Variants in HNF1B observed in about 807,000 individuals in gnomAD.
HNF1B encodes the protein hepatocyte nuclear factor 1-beta.
Under a neutral mutation model 61.7 loss-of-function variants are expected in HNF1B, and 8 were observed. The observed-to-expected ratio is 0.13, with a 90% CI of 0.08 to 0.23. The LOEUF (loss-of-function observed/expected upper bound fraction) is 0.23, where lower values mean the gene tolerates loss of function less well. Ranked by LOEUF, HNF1B falls within the 10% of genes least tolerant of loss-of-function variation. The probability of loss-of-function intolerance (pLI) is 1.00; values close to 1 mark genes in which losing one functional copy is unlikely to be tolerated. For missense variants in HNF1B, 562 were observed against 714.5 expected, an observed-to-expected ratio of 0.79 and a Z score of 2.43; for synonymous variants, 314 against 287.7, an observed-to-expected ratio of 1.09 and a Z score of -0.93.
chr17:37,741,753 C>A (rs2033998204), intron 1 of HNF1B, among the ~76,000 whole-genome samples: 1 of 152,060 alleles, frequency 6.6e-6, no homozygotes, highest in African/African-American at 2.4e-5. Context: ...TTTTGTATGC[C>A]TAAGAAACCT....
chr17:37,725,947 G>C (rs1212170237), intron 4 of HNF1B, among the ~76,000 whole-genome samples: 1 of 152,230 alleles, frequency 6.6e-6, no homozygotes, highest in African/African-American at 2.4e-5. Context: ...GAAAGAGGGG[G>C]CTTTGATTTC....
chr17:37,689,146 C>CCAA (rs1459779963), intron 8 of HNF1B, among the ~76,000 whole-genome samples: 14 of 62,346 alleles, frequency 2.2e-4, no homozygotes, highest in Non-Finnish European at 3.1e-4. Context: ...CTTGGTCTCA[C>CCAA]AAAAAAAAAA....
At chr17:37,721,024 C>T in intron 4 of HNF1B, 1 of 881,462 alleles carries the variant, frequency 1.1e-6, no homozygotes. Flanking sequence ...AAGGGTTTTC[C>T]ACTCTTGCTG....
intron 4 of HNF1B, among the ~76,000 whole-genome samples, chr17:37,715,472 G>A (rs994669724): frequency 1.3e-5 from 2 of 152,186 alleles, no homozygotes; most frequent in South Asian, 2.1e-4. Context: ...TGAGTGTAAT[G>A]TCAATTTCAC....
At chr17:37,692,082 A>G (rs1353466070) in intron 8 of HNF1B, among the ~76,000 whole-genome samples, 1 of 152,208 alleles carries the variant, frequency 6.6e-6, no homozygotes, top group Non-Finnish European at 1.5e-5. Flanking sequence ...GCACAAACCC[A>G]CTCAGAGATA....
intron 4 of HNF1B, among the ~76,000 whole-genome samples, chr17:37,713,577 G>A (rs1162825662): frequency 2.0e-5 from 3 of 152,172 alleles, no homozygotes; most frequent in East Asian, 1.9e-4. Context: ...ACCTTTGAAC[G>A]TTCCTTTAAA....
Position 37,724,253 on chromosome 17 carries a change from C to T in HNF1B, c.1045+7342G>A, listed in dbSNP as rs2033419644. Among the ~76,000 whole-genome samples the T allele has an allele frequency of 2.0e-5, 3 of 152,062 alleles. No individual in the cohort carries two copies. The South Asian group carries it at 6.2e-4, about 32-fold the overall frequency. On this transcript the variant is annotated intron_variant, in intron 4 of 8. Coordinates refer to ENST00000617811, the MANE Select transcript of HNF1B (RefSeq NM_000458.4). Reference sequence around the variant, plus strand: ...AACACCCCCCACCCCAGGGAACTGGCATGCACTTTAACATTTGAGAAGCTA... The same window carrying T: ...AACACCCCCCACCCCAGGGAACTGGTATGCACTTTAACATTTGAGAAGCTA...
In HNF1B at chr17:37,687,264, G is replaced by T; in HGVS notation, c.*108C>A. The T allele has an allele frequency of 6.3e-7, 1 of 1,580,546 alleles. No homozygotes were observed. The highest frequency in any genetic ancestry group is 8.7e-7 in the Non-Finnish European group (1 of 1,151,134). ...TCCGTCAGGTAAGCAGGGACCTCTC[G>T]CAGGTGCTGGTCAGGTCACTGGGCT... On this transcript the variant is annotated 3_prime_UTR_variant, in exon 9 of 9. Coordinates refer to ENST00000617811, the MANE Select transcript of HNF1B (RefSeq NM_000458.4).
Position 37,699,111 on chromosome 17 carries a change from T to C in HNF1B, c.1618A>G (p.Ile540Val). ...GAAGACATGTTGGTGAGTGTACTGA[T>C]GCTGCTGGTATCTGTGACCACCATT... ...SAMVVTDTSS[I>V]STLTNMSSSK... The change falls in exon 8 of 9, where the codon ATC becomes GTC. Residue 540 changes from isoleucine (I) to valine (V), a missense_variant. Physicochemically the swap from Ile to Val is conservative, Grantham distance 29. This residue lies in a region of HNF1B where 64 missense variants were observed against 96.9 expected (regional missense o/e 0.66). Coordinates refer to ENST00000617811, the MANE Select transcript of HNF1B (RefSeq NM_000458.4). 1 of 1,614,088 alleles carries C rather than the reference T, an allele frequency of 6.2e-7. No individual in the cohort carries two copies. The highest frequency in any genetic ancestry group is 8.5e-7 in the Non-Finnish European group (1 of 1,179,964).
At chr17:37,689,224 C>T (rs879394931) in intron 8 of HNF1B, among the ~76,000 whole-genome samples, 16 of 151,386 alleles carry the variant, frequency 1.1e-4, no homozygotes, top group Non-Finnish European at 2.2e-4. Context: ...GACCCTTCCA[C>T]ATTCTTGAGA....
chr17:37,731,575 G>A lies in HNF1B; in HGVS notation c.1045+20C>T, dbSNP rs758415648. 6.3e-7 allele frequency: 1 copy of A among 1,594,088 alleles called. No homozygotes were observed. Among genetic ancestry groups the A allele is most frequent in the Non-Finnish European group, 8.6e-7 (1 of 1,167,442 alleles). On this transcript the variant is annotated intron_variant, in intron 4 of 8. Coordinates refer to ENST00000617811, the MANE Select transcript of HNF1B (RefSeq NM_000458.4). Reference sequence around the variant, plus strand: ...AGGATGGTTGGGTTGCCGAGGCAGTGAGGCCCAACCTTTGCTTACCTGACA... The same window carrying A: ...AGGATGGTTGGGTTGCCGAGGCAGTAAGGCCCAACCTTTGCTTACCTGACA...
chr17:37,743,959 T>A (rs1416423544), intron 1 of HNF1B, among the ~76,000 whole-genome samples: 1 of 152,244 alleles, frequency 6.6e-6, no homozygotes, highest in Non-Finnish European at 1.5e-5. Context: ...GCGTTGGGGA[T>A]CCCGGATAAT....
chr17:37,742,671 C>G (rs1410939153), intron 1 of HNF1B, among the ~76,000 whole-genome samples: 1 of 152,208 alleles, frequency 6.6e-6, no homozygotes, highest in East Asian at 1.9e-4. Flanking sequence ...CTCTCCCTGC[C>G]CTGCTGGGGC....
chr17:37,702,305 C>T (rs2032598848), intron 6 of HNF1B, among the ~76,000 whole-genome samples: 1 of 152,152 alleles, frequency 6.6e-6, no homozygotes, highest in South Asian at 2.1e-4. Context: ...GAGTCCTCAA[C>T]AATTGCCTAC....
chr17:37,740,842 C>T (rs2147580719), intron 1 of HNF1B, among the ~76,000 whole-genome samples: 1 of 152,230 alleles, frequency 6.6e-6, no homozygotes, highest in African/African-American at 2.4e-5. Context: ...GTTTTAGCAC[C>T]TTTGAATTTT....
intron 7 of HNF1B, among the ~76,000 whole-genome samples, chr17:37,699,966 T>G (rs1198734301): frequency 6.6e-6 from 1 of 152,206 alleles, no homozygotes; most frequent in African/African-American, 2.4e-5. Context: ...TAAATAATCT[T>G]TATAATTTTT....
rs1445076741 is a variant in HNF1B, at chr17:37,744,686, T to A, written c.199A>T (p.Asn67Tyr). 2 of 1,613,472 alleles carry A rather than the reference T, an allele frequency of 1.2e-6. No individual in the cohort carries two copies. The highest frequency in any genetic ancestry group is 1.3e-5 in the African/African-American group (1 of 75,044). ...GACAAGCGGCCCTTGGCGTGGCCGTTGGTGAGAGTATGGAAGACCGGCTTG... is the reference window on the plus strand; with the variant it reads ...GACAAGCGGCCCTTGGCGTGGCCGTAGGTGAGAGTATGGAAGACCGGCTTG... ...DTKPVFHTLTNGHAKGRLSGD... is the reference protein window; with the variant it reads ...DTKPVFHTLTYGHAKGRLSGD... The change falls in exon 1 of 9, where the codon AAC becomes TAC. Residue 67 changes from asparagine (N) to tyrosine (Y), a missense_variant. By Grantham distance (143) the Asn-to-Tyr change is moderately radical. This residue lies in a region of HNF1B where 148 missense variants were observed against 147.3 expected (regional missense o/e 1.00). Coordinates refer to ENST00000617811, the MANE Select transcript of HNF1B (RefSeq NM_000458.4).
At chr17:37,742,406 G>A (rs2034020941) in intron 1 of HNF1B, among the ~76,000 whole-genome samples, 1 of 152,198 alleles carries the variant, frequency 6.6e-6, no homozygotes, top group Non-Finnish European at 1.5e-5. Flanking sequence ...TCCAAAACGC[G>A]ACTTTTCTTT....
At chr17:37,703,897 A>T (rs1319568249) in intron 6 of HNF1B, among the ~76,000 whole-genome samples, 1 of 152,236 alleles carries the variant, frequency 6.6e-6, no homozygotes, top group Non-Finnish European at 1.5e-5. Context: ...AAGCTGATTT[A>T]GGGAGAGAAG....
Sources: allele counts gnomAD v4.1 joint callset (sites outside exome capture counted in the v4.1 genomes callset), GRCh38; gene constraint gnomAD v4.1.1; regional missense constraint gnomAD v4.1.1; transcripts MANE v1.5; gene names NCBI Gene and HGNC (gene_info 2026-07-23, HGNC 2026-07-21).